SLC44A1: variants seen among roughly 807,000 people sequenced by gnomAD.
SLC44A1 encodes the protein solute carrier family 44 member 1, also known as choline transporter-like protein 1.
A neutral mutation model predicts 79.3 loss-of-function variants in SLC44A1; 26 were observed. The observed-to-expected ratio is 0.33, with a 90% confidence interval of 0.24 to 0.46. The LOEUF (loss-of-function observed/expected upper bound fraction) is 0.46. Ranked by LOEUF, SLC44A1 falls within the 20% of genes least tolerant of loss-of-function variation. The probability of loss-of-function intolerance (pLI) is 1.00; values close to 1 mark genes in which losing one functional copy is unlikely to be tolerated. For synonymous variants in SLC44A1, 263 were observed against 286.2 expected, an observed-to-expected ratio of 0.92 and a Z score of 0.82; for missense variants, 688 against 798.1, an observed-to-expected ratio of 0.86 and a Z score of 1.66.
chr9:105,339,825 AAAC>A (rs1827031351), intron 4 of SLC44A1, among the ~76,000 whole-genome samples: 1 of 152,198 alleles, frequency 6.6e-6, no homozygotes, highest in South Asian at 2.1e-4. Context: ...TGTCTCAAAA[AAAC>A]CTCAAAAACA....
At chr9:105,282,961 G>C (rs1316768406) in intron 1 of SLC44A1, among the ~76,000 whole-genome samples, 1 of 152,182 alleles carries the variant, frequency 6.6e-6, no homozygotes, top group Non-Finnish European at 1.5e-5. Flanking sequence ...GTCATACTTA[G>C]GGGTAGCTGA....
intron 15 of SLC44A1, among the ~76,000 whole-genome samples, chr9:105,437,980 C>A (rs1041118059): frequency 2.0e-5 from 3 of 152,150 alleles, no homozygotes; most frequent in Admixed American, 1.3e-4. Context: ...TTGTATTTAC[C>A]AATGCATTTA....
At chr9:105,361,051 C>G in intron 7 of SLC44A1, 140 bp from the exon 8 acceptor site, 1 of 781,516 alleles carries the variant, frequency 1.3e-6, no homozygotes. Flanking sequence ...AAAGTTATAG[C>G]TATGTACTTC....
chr9:105,318,584 G>T (rs1362937029), intron 3 of SLC44A1, among the ~76,000 whole-genome samples: 3 of 151,980 alleles, frequency 2.0e-5, no homozygotes, highest in African/African-American at 7.3e-5. Context: ...AGATTTTTTT[G>T]TCATATTTTG....
At chr9:105,270,881 T>C (rs897104970) in intron 1 of SLC44A1, among the ~76,000 whole-genome samples, 1 of 152,236 alleles carries the variant, frequency 6.6e-6, no homozygotes, top group Non-Finnish European at 1.5e-5. Context: ...TGTTTCTTTC[T>C]ACCTCTCTAT....
At chr9:105,387,290 A>G (rs1218755689) in intron 15 of SLC44A1, among the ~76,000 whole-genome samples, 3 of 151,786 alleles carry the variant, frequency 2.0e-5, no homozygotes, top group Non-Finnish European at 2.9e-5. Flanking sequence ...ATAAAATCAA[A>G]TTTAAATGTT....
At chr9:105,358,532 A>G (rs1480917980) in intron 7 of SLC44A1, 99 bp downstream of exon 7, 9 of 737,808 alleles carry the variant, frequency 1.2e-5, no homozygotes, top group Non-Finnish European at 1.9e-5. Flanking sequence ...TTCACAAGCT[A>G]TATCCTCAAG....
At chr9:105,309,445 C>A (rs1470272853) in intron 2 of SLC44A1, among the ~76,000 whole-genome samples, 2 of 152,148 alleles carry the variant, frequency 1.3e-5, no homozygotes, top group African/African-American at 4.8e-5. Context: ...TAAAGGGGAG[C>A]TGCTATTATT....
Position 105,389,179 on chromosome 9 carries a change from A to T in SLC44A1, c.*123A>T. 7.0e-7 allele frequency: 1 copy of T among 1,425,664 alleles called. No homozygotes were observed. Among genetic ancestry groups the T allele is most frequent in the Non-Finnish European group, 9.3e-7 (1 of 1,073,936 alleles). 88.3% of individuals were successfully genotyped at this position (1,425,664 alleles called of 1,614,324 possible). On this transcript the variant is annotated 3_prime_UTR_variant, in exon 16 of 16. Coordinates refer to ENST00000374720, the MANE Select transcript of SLC44A1 (RefSeq NM_080546.5). Reference sequence around the variant, plus strand: ...TATGTGTGTATATATGTATATGTATATACACACACACACATAAATCAGCCA... The same window carrying T: ...TATGTGTGTATATATGTATATGTATTTACACACACACACATAAATCAGCCA...
chr9:105,377,600 C>CA (rs879369228), intron 13 of SLC44A1, among the ~76,000 whole-genome samples: 2,713 of 134,674 alleles, frequency 0.02, 65 homozygotes, highest in African/African-American at 0.065. Flanking sequence ...CTAAAAAATA[C>CA]AAAAAAAAAA....
At chr9:105,427,822 T>A (rs895578921) in intron 15 of SLC44A1, among the ~76,000 whole-genome samples, 1 of 152,182 alleles carries the variant, frequency 6.6e-6, no homozygotes, top group African/African-American at 2.4e-5. Flanking sequence ...ATTTTCCACA[T>A]CCGGCAGATA....
intron 1 of SLC44A1, among the ~76,000 whole-genome samples, chr9:105,267,211 T>C (rs556862983): frequency 1.3e-4 from 20 of 152,360 alleles, no homozygotes; most frequent in Admixed American, 1.1e-3. Context: ...TTCCATTGCC[T>C]TCTGACTTCT....
intron 15 of SLC44A1, among the ~76,000 whole-genome samples, chr9:105,437,075 C>T (rs1284617096): frequency 1.3e-5 from 2 of 152,174 alleles, no homozygotes; most frequent in African/African-American, 4.8e-5. Context: ...GATAATCAAA[C>T]TGAGCCGGCC....
At chr9:105,323,802 A>G (rs1826476379) in intron 3 of SLC44A1, among the ~76,000 whole-genome samples, 1 of 152,172 alleles carries the variant, frequency 6.6e-6, no homozygotes, top group African/African-American at 2.4e-5. Context: ...TCCGTTTTTC[A>G]TAGACACAGC....
At chr9:105,422,306 T>C (rs1829263356) in intron 15 of SLC44A1, among the ~76,000 whole-genome samples, 1 of 147,914 alleles carries the variant, frequency 6.8e-6, no homozygotes, top group African/African-American at 2.5e-5. Context: ...TTTTTTTTTT[T>C]TGAGACAGAG....
chr9:105,352,328 C>A (rs1827476260), intron 5 of SLC44A1, among the ~76,000 whole-genome samples: 1 of 152,144 alleles, frequency 6.6e-6, no homozygotes, highest in South Asian at 2.1e-4. Context: ...ATGCAGACCC[C>A]TGCCTTCTTG....
intron 1 of SLC44A1, among the ~76,000 whole-genome samples, chr9:105,262,629 C>T (rs1431715599): frequency 3.3e-5 from 5 of 152,098 alleles, no homozygotes; most frequent in Admixed American, 3.3e-4. Flanking sequence ...GTATCTCTGC[C>T]CTGTTACCCT....
chr9:105,378,527 G>T (rs1273796920), intron 13 of SLC44A1, among the ~76,000 whole-genome samples: 1 of 151,964 alleles, frequency 6.6e-6, no homozygotes, highest in Non-Finnish European at 1.5e-5. Flanking sequence ...ATTAATTAGG[G>T]TTCTTGATGT....
At chr9:105,353,229 T>A (rs1827508426) in intron 5 of SLC44A1, among the ~76,000 whole-genome samples, 1 of 152,178 alleles carries the variant, frequency 6.6e-6, no homozygotes, top group Non-Finnish European at 1.5e-5. Context: ...GTTGTTATTT[T>A]GCTCCAGTTC....
Sources: allele counts gnomAD v4.1 joint callset (sites outside exome capture counted in the v4.1 genomes callset), GRCh38; gene constraint gnomAD v4.1.1; transcripts MANE v1.5; gene names NCBI Gene and HGNC (gene_info 2026-07-23, HGNC 2026-07-21).